The following CASZ1 variants were observed in gnomAD, a reference collection of about 807,000 sequenced individuals.
CASZ1 encodes zinc finger protein castor homolog 1.
Under a neutral mutation model 135.2 loss-of-function variants are expected in CASZ1, and 28 were observed. The observed-to-expected ratio is 0.21, with a 90% CI of 0.15 to 0.28. The LOEUF is 0.28. Ranked by LOEUF, CASZ1 falls within the 10% of genes least tolerant of loss-of-function variation. The pLI, the probability that CASZ1 is intolerant of heterozygous loss-of-function variation, is 1.00. For synonymous variants in CASZ1, 1,068 were observed against 1,073.4 expected, an observed-to-expected ratio of 0.99 and a Z score of 0.10; for missense variants, 2,161 against 2,453.3, an observed-to-expected ratio of 0.88 and a Z score of 2.52.
At chr1:10,750,626 G>A (rs964888310) in intron 2 of CASZ1, among the ~76,000 whole-genome samples, 1 of 152,208 alleles carries the variant, frequency 6.6e-6, no homozygotes, top group African/African-American at 2.4e-5. Flanking sequence ...GAGGCTGGGC[G>A]AGGTGGCTCA....
rs1024256187 is a variant in CASZ1 at position 10,640,069 on chromosome 1, G to T, written c.4163-10C>A. 1.4e-5 allele frequency: 22 copies of T among 1,599,522 alleles called. No individual in the cohort carries two copies. The highest frequency in any genetic ancestry group is 1.8e-5 in the Non-Finnish European group (21 of 1,176,188). On this transcript the variant is annotated splice_polypyrimidine_tract_variant and intron_variant, in intron 20 of 20. Transcript: ENST00000377022. The stretch of plus-strand genomic sequence containing the variant: ...ATAGAGATGGTGTTCCCTGGGGAGG[G>T]GCAGGGAGGTCAGTGCAGAAGAGGG...
intron 1 of CASZ1, among the ~76,000 whole-genome samples, chr1:10,784,968 C>T (rs1007766763): frequency 6.6e-6 from 1 of 152,196 alleles, no homozygotes; most frequent in African/African-American, 2.4e-5. Flanking sequence ...TCTGCTCCTT[C>T]ACGGCCTTTC....
intron 2 of CASZ1, among the ~76,000 whole-genome samples, chr1:10,751,492 C>T (rs1640150090): frequency 6.6e-6 from 1 of 152,186 alleles, no homozygotes; most frequent in Admixed American, 6.5e-5. Flanking sequence ...ACGGAGCACT[C>T]CCTGTTTATT....
At chr1:10,672,226 T>G (rs1018216697) in intron 4 of CASZ1, among the ~76,000 whole-genome samples, 1 of 25,536 alleles carries the variant, frequency 3.9e-5, no homozygotes, top group Non-Finnish European at 8.4e-5. Flanking sequence ...CGCCACCCCC[T>G]CCCCTCCGCA....
chr1:10,653,242 G>A (rs539159777), intron 11 of CASZ1, 135 bp downstream of exon 11: 2 of 955,630 alleles, frequency 2.1e-6, no homozygotes, highest in African/African-American at 1.6e-5. Context: ...ATCAGGCAAA[G>A]AGGGGGTGCT....
At position 10,777,961 on chromosome 1, in the gene CASZ1, A is replaced by T. The variant is rs1349155252; in HGVS notation, c.-233-17104T>A. Among the ~76,000 whole-genome samples the T allele has an allele frequency of 6.6e-6, 1 of 152,050 alleles. No individual in the cohort carries two copies. Among genetic ancestry groups the T allele is most frequent in the Non-Finnish European group, 1.5e-5 (1 of 68,012 alleles). On this transcript the variant is annotated intron_variant, in intron 1 of 20. Coordinates refer to ENST00000377022, the MANE Select transcript of CASZ1 (RefSeq NM_001079843.3). The surrounding 1 kb of genome is among the most constrained non-coding windows in gnomAD (Gnocchi z 4.4). Reference sequence around the variant, plus strand: ...TTCACACTATGTCACAACCACATACAATCTCATACGCAATCGCATACACAA... The same window carrying T: ...TTCACACTATGTCACAACCACATACTATCTCATACGCAATCGCATACACAA...
At chr1:10,766,201 C>T (rs995818829) in intron 1 of CASZ1, among the ~76,000 whole-genome samples, 4 of 150,500 alleles carry the variant, frequency 2.7e-5, no homozygotes, top group Non-Finnish European at 5.9e-5. Flanking sequence ...ACGTTCAGCA[C>T]GTGCACACAC....
intron 4 of CASZ1, among the ~76,000 whole-genome samples, chr1:10,688,740 T>A (rs538016335): frequency 1.3e-5 from 2 of 152,192 alleles, no homozygotes; most frequent in Admixed American, 1.3e-4. Flanking sequence ...GTCAGGGTGC[T>A]GTTCTGTGGC....
intron 2 of CASZ1, among the ~76,000 whole-genome samples, chr1:10,734,882 G>C (rs1268309921): frequency 1.3e-5 from 2 of 152,138 alleles, no homozygotes; most frequent in Non-Finnish European, 2.9e-5. Context: ...CATGCATCTA[G>C]GGGTCACTGT....
At position 10,739,364 on chromosome 1, in the gene CASZ1, G is replaced by A. The variant is rs894860536; in HGVS notation, c.-77+21337C>T. Among the ~76,000 whole-genome samples, 16 of 152,104 alleles carry A rather than the reference G, an allele frequency of 1.1e-4. No individual in the cohort carries two copies. Among genetic ancestry groups the A allele is most frequent in the African/African-American group, 3.9e-4 (16 of 41,402 alleles). On this transcript the variant is annotated intron_variant, in intron 2 of 20. Transcript: ENST00000377022. The surrounding 1 kb of genome is among the most constrained non-coding windows in gnomAD (Gnocchi z 4.8). ...GCGAGGGAAACCCTCCCAGGGGCCC[G>A]GGCCCAGGGTGGCCACGGTGAGGAG...
At chr1:10,718,977 A>G (rs1204942959) in intron 2 of CASZ1, among the ~76,000 whole-genome samples, 1 of 147,560 alleles carries the variant, frequency 6.8e-6, no homozygotes, top group Non-Finnish European at 1.5e-5. Flanking sequence ...CCTTGGTGTG[A>G]TCTCTGCTCA....
At chr1:10,778,665 G>A (rs569276371) in intron 1 of CASZ1, among the ~76,000 whole-genome samples, 1 of 152,136 alleles carries the variant, frequency 6.6e-6, no homozygotes, top group Non-Finnish European at 1.5e-5. Context: ...CAGTGGACAC[G>A]AGGAGGAGAG....
intron 2 of CASZ1, among the ~76,000 whole-genome samples, chr1:10,751,314 C>A (rs755421055): frequency 6.6e-6 from 1 of 152,050 alleles, no homozygotes; most frequent in Non-Finnish European, 1.5e-5. Flanking sequence ...CCTGCCTGGC[C>A]TAGAATCCAA....
At chr1:10,764,076 T>C (rs1229546783) in intron 1 of CASZ1, among the ~76,000 whole-genome samples, 1 of 152,236 alleles carries the variant, frequency 6.6e-6, no homozygotes, top group Non-Finnish European at 1.5e-5. Flanking sequence ...TTAGCCAGAC[T>C]GGTCTCGAAC....
chr1:10,678,546 C>T (rs1166189422), intron 4 of CASZ1, among the ~76,000 whole-genome samples: 1 of 152,186 alleles, frequency 6.6e-6, no homozygotes, highest in African/African-American at 2.4e-5. Flanking sequence ...CTGAGCCCAC[C>T]CAGCTCCCCC....
chr1:10,719,349 AC>A lies in CASZ1; in HGVS notation c.-76-13806del, dbSNP rs1252970529. 6.6e-6 allele frequency among the ~76,000 whole-genome samples: 1 copy of A among 152,062 alleles called. No individual in the cohort carries two copies. Among genetic ancestry groups the A allele is most frequent in the African/African-American group, 2.4e-5 (1 of 41,398 alleles). The stretch of plus-strand genomic sequence containing the variant: ...CAAAAGCCCTCATTCTTTTGACCGT[AC>A]CCCACTGCCTTCCCTTTAGACCTGA... On this transcript the variant is annotated intron_variant, in intron 2 of 20. Coordinates refer to ENST00000377022, the MANE Select transcript of CASZ1 (RefSeq NM_001079843.3). This position sits in a 1 kb window ranked among gnomAD's most constrained non-coding sequence, Gnocchi z 4.0.
chr1:10,722,472 G>A (rs1270018937), intron 2 of CASZ1, among the ~76,000 whole-genome samples: 1 of 152,212 alleles, frequency 6.6e-6, no homozygotes, highest in Non-Finnish European at 1.5e-5. Context: ...GAGTACCTTC[G>A]AGGGCAGATC....
chr1:10,740,089 C>T (rs1166308725), intron 2 of CASZ1, among the ~76,000 whole-genome samples: 1 of 152,224 alleles, frequency 6.6e-6, no homozygotes, highest in Non-Finnish European at 1.5e-5. Flanking sequence ...AGCCCAGGCG[C>T]CTGTTAGGTT....
intron 4 of CASZ1, among the ~76,000 whole-genome samples, chr1:10,680,451 T>G (rs979645495): frequency 6.6e-6 from 1 of 152,190 alleles, no homozygotes; most frequent in Non-Finnish European, 1.5e-5. Context: ...CCTGGCTTGG[T>G]TGAGTTTCTC....
Sources: allele counts gnomAD v4.1 joint callset (sites outside exome capture counted in the v4.1 genomes callset), GRCh38; gene constraint gnomAD v4.1.1; non-coding constraint Gnocchi (gnomAD v3.1); transcripts MANE v1.5; gene names NCBI Gene and HGNC (gene_info 2026-07-23, HGNC 2026-07-21).